Variants in VTI1A observed in about 807,000 individuals in gnomAD.
The protein encoded by VTI1A is vesicle transport through interaction with t-SNAREs homolog 1A.
Under a neutral mutation model 34.9 loss-of-function variants are expected in VTI1A, and 22 were observed. That is an observed-to-expected ratio of 0.63 (90% CI 0.45 to 0.90). The LOEUF (loss-of-function observed/expected upper bound fraction) is 0.90, where lower values mean the gene tolerates loss of function less well. VTI1A is among the 40% of genes least tolerant of loss of function. VTI1A has a pLI of 0.00. For synonymous variants in VTI1A, 87 were observed against 97.3 expected (o/e 0.89, Z 0.62); for missense variants, 268 against 275.6 (o/e 0.97, Z 0.20).
At chr10:112,711,500 T>A (rs1849415756) in intron 7 of VTI1A, among the ~76,000 whole-genome samples, 1 of 152,218 alleles carries the variant, frequency 6.6e-6, no homozygotes, top group Non-Finnish European at 1.5e-5. Flanking sequence ...TAGCATATTC[T>A]TATTGGTAAA....
chr10:112,803,487 G>A (rs1564931600), intron 7 of VTI1A, among the ~76,000 whole-genome samples: 1 of 152,264 alleles, frequency 6.6e-6, no homozygotes, highest in Non-Finnish European at 1.5e-5. Context: ...GCTTGAATGA[G>A]AAAGAGTGTG....
intron 7 of VTI1A, among the ~76,000 whole-genome samples, chr10:112,748,424 A>C (rs533809079): frequency 6.6e-6 from 1 of 152,244 alleles, no homozygotes; most frequent in East Asian, 1.9e-4. Flanking sequence ...ATAAAAACAC[A>C]TGTTGTCACA....
intron 5 of VTI1A, among the ~76,000 whole-genome samples, chr10:112,555,413 T>C (rs1200077471): frequency 2.0e-5 from 3 of 152,094 alleles, no homozygotes. Context: ...TAAGGTTCAA[T>C]ATCTCTGGAA....
the VTI1A span, among the ~76,000 whole-genome samples, chr10:112,830,912 C>T: frequency 8.4e-5 from 12 of 142,716 alleles, no homozygotes; most frequent in African/African-American, 2.6e-4. Context: ...TGCAGTGGCA[C>T]GATCATGGCT....
intron 5 of VTI1A, among the ~76,000 whole-genome samples, chr10:112,540,736 G>A (rs1589879704): frequency 6.6e-6 from 1 of 152,142 alleles, no homozygotes; most frequent in Non-Finnish European, 1.5e-5. Flanking sequence ...ATAGCTCTGT[G>A]TTTTGACTGT....
chr10:112,548,779 A>G lies in VTI1A; in HGVS notation c.427+10449A>G, dbSNP rs947751406. On this transcript the variant is annotated intron_variant, in intron 5 of 7. Coordinates refer to ENST00000393077, the MANE Select transcript of VTI1A (RefSeq NM_145206.4). ...ATAGTCTGAGAAGCTCTCGACACAC[A>G]TGGGCTTGCCAGGAACCATACCAAC... The G allele has an allele frequency of 4.0e-6, 6 of 1,486,978 alleles. No homozygotes were observed. The African/African-American group carries it at 7.0e-5, about 17-fold the overall frequency. The allele number at this position is 1,486,978 out of a possible 1,614,324, so 92.1% of individuals were successfully genotyped here. A position where few individuals can be genotyped will look rare whatever the true frequency, so the allele number is the denominator to read the frequency against.
chr10:112,572,776 T>C (rs934803220), intron 5 of VTI1A, among the ~76,000 whole-genome samples: 1 of 151,122 alleles, frequency 6.6e-6, no homozygotes. Flanking sequence ...GAGGCGGAGC[T>C]TGCAGTGAGC....
chr10:112,508,690 A>G (rs116157875), intron 3 of VTI1A, among the ~76,000 whole-genome samples: 1,706 of 152,302 alleles, frequency 0.011, 32 homozygotes, highest in African/African-American at 0.04. Flanking sequence ...TGGAATTTGA[A>G]TTATTGTTTA....
intron 7 of VTI1A, among the ~76,000 whole-genome samples, chr10:112,781,105 C>T (rs1049168554): frequency 2.6e-5 from 4 of 152,058 alleles, no homozygotes; most frequent in Admixed American, 1.3e-4. Context: ...CCGCCATGGC[C>T]GGGTAATTTT....
intron 5 of VTI1A, among the ~76,000 whole-genome samples, chr10:112,615,138 T>C (rs1845468954): frequency 6.6e-6 from 1 of 152,188 alleles, no homozygotes; most frequent in Non-Finnish European, 1.5e-5. Flanking sequence ...CCAATAAGAC[T>C]GTGGCAGTCC....
chr10:112,822,688 T>C (rs1853675512), downstream of VTI1A, among the ~76,000 whole-genome samples: 1 of 152,148 alleles, frequency 6.6e-6, no homozygotes, highest in South Asian at 2.1e-4. Context: ...CTTCCAGAGC[T>C]CTACACTGCA....
At chr10:112,634,929 GGGT>G (rs1341433633) in intron 5 of VTI1A, among the ~76,000 whole-genome samples, 1 of 152,026 alleles carries the variant, frequency 6.6e-6, no homozygotes, top group African/African-American at 2.4e-5. Context: ...ATAAACTCTG[GGGT>G]TGAATCCTGG....
At chr10:112,494,660 C>T (rs1161846433) in intron 3 of VTI1A, among the ~76,000 whole-genome samples, 2 of 152,132 alleles carry the variant, frequency 1.3e-5, no homozygotes, top group Middle Eastern at 3.2e-3. Context: ...AGGTGCATGC[C>T]ACAACACCCA....
At chr10:112,834,103 GC>G in the VTI1A span, among the ~76,000 whole-genome samples, 1 of 152,156 alleles carries the variant, frequency 6.6e-6, no homozygotes, top group Non-Finnish European at 1.5e-5. Flanking sequence ...TAGGGAGGTG[GC>G]ATGAGGATCA....
At chr10:112,503,952 G>A (rs1849331545) in intron 3 of VTI1A, among the ~76,000 whole-genome samples, 1 of 152,110 alleles carries the variant, frequency 6.6e-6, no homozygotes, top group Non-Finnish European at 1.5e-5. Context: ...TTTACGAAAT[G>A]AGTCAAAAAT....
chr10:112,736,577 C>T (rs1850481854), intron 7 of VTI1A: 1 of 1,289,238 alleles, frequency 7.8e-7, no homozygotes, highest in South Asian at 1.5e-5. Flanking sequence ...AAGGAAAAGG[C>T]ATGACTCTGA....
At chr10:112,450,884 T>TA (rs1847212412) in intron 1 of VTI1A, among the ~76,000 whole-genome samples, 1 of 152,212 alleles carries the variant, frequency 6.6e-6, no homozygotes, top group Non-Finnish European at 1.5e-5. Flanking sequence ...GTTAGTACTT[T>TA]ATTGTGAAGT....
chr10:112,494,875 C>G (rs1473680594), intron 3 of VTI1A, among the ~76,000 whole-genome samples: 1 of 152,162 alleles, frequency 6.6e-6, no homozygotes, highest in African/African-American at 2.4e-5. Context: ...TACCAGCTAG[C>G]TGCTTTTAAA....
At chr10:112,506,524 A>G (rs891992954) in intron 3 of VTI1A, among the ~76,000 whole-genome samples, 1 of 152,156 alleles carries the variant, frequency 6.6e-6, no homozygotes, top group Non-Finnish European at 1.5e-5. Flanking sequence ...ACTTTCAAAC[A>G]ATATCATATT....
Sources: allele counts gnomAD v4.1 joint callset (sites outside exome capture counted in the v4.1 genomes callset), GRCh38; gene constraint gnomAD v4.1.1; transcripts MANE v1.5; gene names NCBI Gene and HGNC (gene_info 2026-07-23, HGNC 2026-07-21).